NCOA2: variants seen among roughly 807,000 people sequenced by gnomAD.
NCOA2 encodes nuclear receptor coactivator 2, also known as class E basic helix-loop-helix protein 75.
NCOA2 carries 21 observed loss-of-function variants against 145.1 expected under a neutral mutation model. That is an observed-to-expected ratio of 0.14 (90% CI 0.10 to 0.21). NCOA2 has a LOEUF of 0.21. NCOA2 is among the 10% of genes least tolerant of loss of function. The probability of loss-of-function intolerance (pLI) is 1.00; values close to 1 mark genes in which losing one functional copy is unlikely to be tolerated. For missense variants in NCOA2, 1,472 were observed against 1,837.6 expected, an observed-to-expected ratio of 0.80 and a Z score of 3.64; for synonymous variants, 619 against 637.5, an observed-to-expected ratio of 0.97 and a Z score of 0.44.
chr8:70,141,789 T>C (rs934835666), intron 13 of NCOA2, among the ~76,000 whole-genome samples: 3 of 152,208 alleles, frequency 2.0e-5, no homozygotes, highest in African/African-American at 7.2e-5. Flanking sequence ...TAAAAACTGA[T>C]AATCAATACT....
chr8:70,220,023 T>C (rs1820006676), intron 2 of NCOA2, among the ~76,000 whole-genome samples: 2 of 152,220 alleles, frequency 1.3e-5, no homozygotes, highest in Non-Finnish European at 1.5e-5. Context: ...TCTATACAAA[T>C]GTACATTCTA....
intron 2 of NCOA2, among the ~76,000 whole-genome samples, chr8:70,241,177 G>A (rs1822095052): frequency 6.6e-6 from 1 of 152,116 alleles, no homozygotes; most frequent in Admixed American, 6.5e-5. Context: ...TAGCAATGCA[G>A]TGAGTAAAGG....
At chr8:70,308,407 G>T (rs1267428857) in intron 1 of NCOA2, among the ~76,000 whole-genome samples, 1 of 151,966 alleles carries the variant, frequency 6.6e-6, no homozygotes, top group East Asian at 1.9e-4. Context: ...GGTACTACTG[G>T]CCTACAAGTT....
At chr8:70,376,103 A>G (rs1292800627) in intron 1 of NCOA2, among the ~76,000 whole-genome samples, 1 of 152,206 alleles carries the variant, frequency 6.6e-6, no homozygotes, top group Non-Finnish European at 1.5e-5. Flanking sequence ...TCCGTAATAC[A>G]CCAGTAGTAA....
At chr8:70,416,424 C>T in the NCOA2 span, among the ~76,000 whole-genome samples, 10,896 of 152,170 alleles carry the variant, frequency 0.072, 549 homozygotes, top group Middle Eastern at 0.11. Flanking sequence ...ACTTAATCTC[C>T]AAGTGAAGAC....
intron 15 of NCOA2, among the ~76,000 whole-genome samples, chr8:70,136,927 A>G (rs1386510256): frequency 6.6e-6 from 1 of 152,236 alleles, no homozygotes. Context: ...ATAACTTTAA[A>G]CGTAATGAAA....
chr8:70,136,852 G>C (rs1809792716), intron 15 of NCOA2, among the ~76,000 whole-genome samples: 1 of 152,178 alleles, frequency 6.6e-6, no homozygotes, highest in South Asian at 2.1e-4. Flanking sequence ...CATAAAGCTG[G>C]TTCTAAGTTT....
At chr8:70,185,024 C>T (rs1264675051) in intron 4 of NCOA2, among the ~76,000 whole-genome samples, 1 of 152,154 alleles carries the variant, frequency 6.6e-6, no homozygotes, top group Non-Finnish European at 1.5e-5. Flanking sequence ...CATTTCTCTC[C>T]TTGTGTTTTT....
At chr8:70,292,657 A>G (rs1826786352) in intron 2 of NCOA2, among the ~76,000 whole-genome samples, 1 of 152,178 alleles carries the variant, frequency 6.6e-6, no homozygotes, top group Non-Finnish European at 1.5e-5. Flanking sequence ...TTAATTTAAT[A>G]ATTTTTGGCA....
chr8:70,211,872 T>C (rs1819064227), intron 4 of NCOA2, among the ~76,000 whole-genome samples: 1 of 152,136 alleles, frequency 6.6e-6, no homozygotes, highest in Non-Finnish European at 1.5e-5. Context: ...GGAACATTAT[T>C]AGAAGAATAA....
At chr8:70,273,677 A>C (rs1825244736) in intron 2 of NCOA2, 1 of 670,580 alleles carries the variant, frequency 1.5e-6, no homozygotes. Flanking sequence ...CAGAATCTTA[A>C]ACCAGCTTGG....
chr8:70,138,862 GATATCATATAGCA>G (rs1810048312), intron 14 of NCOA2, among the ~76,000 whole-genome samples: 1 of 152,382 alleles, frequency 6.6e-6, no homozygotes, highest in East Asian at 1.9e-4. Flanking sequence ...CATCTTCTGT[GATATCATATAGCA>G]TGTAAAATTT....
chr8:70,133,200 C>CTTTTTT (rs57813061), intron 15 of NCOA2, among the ~76,000 whole-genome samples: 7,082 of 106,332 alleles, frequency 0.067, 341 homozygotes, highest in East Asian at 0.28. Flanking sequence ...CTGGCTGCTA[C>CTTTTTT]TTTTTTTTTT....
At chr8:70,149,558 T>A (rs1434352791) in intron 11 of NCOA2, among the ~76,000 whole-genome samples, 1 of 151,478 alleles carries the variant, frequency 6.6e-6, no homozygotes, top group Non-Finnish European at 1.5e-5. Flanking sequence ...CCATAAAAAA[T>A]GTTTTTAAGT....
rs11347613 is a variant in NCOA2, at chr8:70,397,461, G to GA, written c.-77+6238dup. ...GAGTGAGACCCTGTCTCAAAAAAAG[G>GA]AAAAAAAAAAAAAAAAAGAGCAAGA... On this transcript the variant is annotated intron_variant, in intron 1 of 22. Coordinates refer to ENST00000452400, the MANE Select transcript of NCOA2 (RefSeq NM_006540.4). Among the ~76,000 whole-genome samples, 495 of 106,994 alleles carry GA rather than the reference G, an allele frequency of 4.6e-3. 1 individual carries two copies. Among genetic ancestry groups the GA allele is most frequent in the African/African-American group, 5.6e-3 (176 of 31,426 alleles). 70.2% of individuals were successfully genotyped at this position (106,994 alleles called of 152,430 possible). A position where few individuals can be genotyped will look rare whatever the true frequency, so the allele number is the denominator to read the frequency against.
intron 1 of NCOA2, among the ~76,000 whole-genome samples, chr8:70,313,043 C>T (rs7837694): frequency 0.28 from 43,242 of 152,070 alleles, 8,401 homozygotes; most frequent in East Asian, 0.57. Context: ...TAAACTATTA[C>T]AGAGATCTGT....
At position 70,358,877 on chromosome 8, in the gene NCOA2, C is replaced by T. The variant is rs115564721; in HGVS notation, c.-77+44823G>A. On this transcript the variant is annotated intron_variant, in intron 1 of 22. Transcript: ENST00000452400. Reference sequence around the variant, plus strand: ...TATCTAAAATAAAGAACTACTGCAACTCAGCAACATAAAGAGAAACCGATT... The same window carrying T: ...TATCTAAAATAAAGAACTACTGCAATTCAGCAACATAAAGAGAAACCGATT... Among the ~76,000 whole-genome samples the T allele has an allele frequency of 9.3e-3, 1,419 of 152,142 alleles. 22 individuals are homozygous for T. The highest frequency in any genetic ancestry group is 0.032 in the African/African-American group (1,324 of 41,518).
chr8:70,324,677 C>T (rs1806395973), intron 1 of NCOA2, among the ~76,000 whole-genome samples: 1 of 151,922 alleles, frequency 6.6e-6, no homozygotes, highest in African/African-American at 2.4e-5. Flanking sequence ...AGATCAACAA[C>T]CTTTAAAAGA....
chr8:70,323,841 A>C (rs1806310612), intron 1 of NCOA2, among the ~76,000 whole-genome samples: 1 of 152,204 alleles, frequency 6.6e-6, no homozygotes, highest in South Asian at 2.1e-4. Flanking sequence ...TTTAAAGAAT[A>C]ATATGTATAT....
Sources: allele counts gnomAD v4.1 joint callset (sites outside exome capture counted in the v4.1 genomes callset), GRCh38; gene constraint gnomAD v4.1.1; transcripts MANE v1.5; gene names NCBI Gene and HGNC (gene_info 2026-07-23, HGNC 2026-07-21).